ZSWIM3: variants seen among roughly 807,000 people sequenced by gnomAD.
ZSWIM3 encodes the protein zinc finger SWIM domain-containing protein 3.
A neutral mutation model predicts 47.5 loss-of-function variants in ZSWIM3; 27 were observed. That is an observed-to-expected ratio of 0.57 (90% CI 0.42 to 0.78). ZSWIM3 has a LOEUF of 0.78. Ranked by LOEUF, ZSWIM3 falls within the 30% of genes least tolerant of loss-of-function variation. The pLI, the probability that ZSWIM3 is intolerant of heterozygous loss-of-function variation, is 0.00. For missense variants in ZSWIM3, 689 were observed against 861.3 expected, an observed-to-expected ratio of 0.80 and a Z score of 2.50; for synonymous variants, 333 against 333.9, an observed-to-expected ratio of 1.00 and a Z score of 0.03.
intron 1 of ZSWIM3, among the ~76,000 whole-genome samples, chr20:45,871,828 T>A (rs761921438): frequency 6.9e-6 from 1 of 144,582 alleles, no homozygotes; most frequent in Non-Finnish European, 1.5e-5. Flanking sequence ...ACTACTGCAC[T>A]CCAGCCTGGG....
At chr20:45,873,257 C>T (rs942351928) in intron 1 of ZSWIM3, among the ~76,000 whole-genome samples, 3 of 152,110 alleles carry the variant, frequency 2.0e-5, no homozygotes, top group African/African-American at 4.8e-5. Flanking sequence ...CAAAATTTGC[C>T]GGGCATGGTG....
intron 1 of ZSWIM3, among the ~76,000 whole-genome samples, chr20:45,864,227 G>A (rs904887676): frequency 2.6e-5 from 4 of 152,148 alleles, no homozygotes; most frequent in African/African-American, 4.8e-5. Flanking sequence ...GGACAATAGC[G>A]GACTGAGATA....
At chr20:45,871,537 A>T (rs1985973861) in intron 1 of ZSWIM3, among the ~76,000 whole-genome samples, 1 of 152,240 alleles carries the variant, frequency 6.6e-6, no homozygotes. Context: ...CTTACTGACT[A>T]TAACTTTGGA....
At position 45,877,897 on chromosome 20, in the gene ZSWIM3, G is replaced by A. The variant is rs749355466; in HGVS notation, c.1339G>A (p.Ala447Thr). ...TCCCAAATTAAAGAGAGCTCGGCCG[G>A]CAAGCATGCCACTGAAGTCCAAGAA... ...PPPKLKRARP[A>T]SMPLKSKKAF... Residue 447 changes from alanine (A) to threonine (T), a missense_variant, in exon 2 of 2, where the codon GCA (alanine) becomes ACA (threonine). Coordinates refer to ENST00000255152, the MANE Select transcript of ZSWIM3 (RefSeq NM_080752.4). 6.8e-6 allele frequency: 11 copies of A among 1,614,052 alleles called. No individual in the cohort carries two copies. Among genetic ancestry groups the A allele is most frequent in the Non-Finnish European group, 9.3e-6 (11 of 1,180,054 alleles).
chr20:45,874,883 A>G lies in ZSWIM3; in HGVS notation c.156-1831A>G, dbSNP rs1390276573. Among the ~76,000 whole-genome samples, 3 of 152,048 alleles carry G rather than the reference A, an allele frequency of 2.0e-5. No individual in the cohort carries two copies. The East Asian group carries it at 5.8e-4, about 29-fold the overall frequency. On this transcript the variant is annotated intron_variant, in intron 1 of 1. Coordinates refer to ENST00000255152, the MANE Select transcript of ZSWIM3 (RefSeq NM_080752.4). The stretch of plus-strand genomic sequence containing the variant: ...GGGGCTGGAGTTGGAGAGGCTCTTA[A>G]AGAAAGAGCTGACTATATTGGGACT...
rs1458127522 is a variant in ZSWIM3 at position 45,877,803 on chromosome 20, C to T, written c.1245C>T (p.Cys415=). 1.9e-6 allele frequency: 3 copies of T among 1,614,232 alleles called. No individual in the cohort carries two copies. Among genetic ancestry groups the T allele is most frequent in the Middle Eastern group, 1.6e-4 (1 of 6,062 alleles). Residue 415 remains cysteine, a synonymous_variant, in exon 2 of 2, where the codon TGC becomes TGT. Coordinates refer to ENST00000255152, the MANE Select transcript of ZSWIM3 (RefSeq NM_080752.4). ...LFREQQSLLD[C]ILCFVDYIDF... ...GGGAACAGCAGTCGCTGCTGGACTG[C>T]ATCCTCTGCTTTGTGGATTACATAG...
intron 1 of ZSWIM3, among the ~76,000 whole-genome samples, chr20:45,860,466 G>A (rs781238768): frequency 4.1e-5 from 6 of 147,006 alleles, no homozygotes; most frequent in African/African-American, 7.7e-5. Context: ...AGCCAAGATC[G>A]TGCCATTGCA....
Position 45,878,522 on chromosome 20 carries a change from C to T in ZSWIM3, c.1964C>T (p.Pro655Leu). Residue 655 changes from proline (P) to leucine (L), a missense_variant, in exon 2 of 2, where the codon CCC becomes CTC. Coordinates refer to ENST00000255152, the MANE Select transcript of ZSWIM3 (RefSeq NM_080752.4). ...AAGATTGTGGATATCTGGGCTGGCC[C>T]CTCCCAGCCATCTGAGCTCTTTCAG... ...LRKIVDIWAG[P>L]SQPSELFQQP... 1 of 1,614,192 alleles carries T rather than the reference C, an allele frequency of 6.2e-7. No individual in the cohort carries two copies. Among genetic ancestry groups the T allele is most frequent in the Non-Finnish European group, 8.5e-7 (1 of 1,180,034 alleles).
chr20:45,871,864 GAAA>G lies in ZSWIM3; in HGVS notation c.156-4839_156-4837del, dbSNP rs11410450. ...CAACAGAACGAATATCTGTCTCAAAGAAAAAAAAAAAAAGAAAAAAAAAGTATG... is the reference window on the plus strand; with the variant it reads ...CAACAGAACGAATATCTGTCTCAAAGAAAAAAAAAAGAAAAAAAAAGTATG... On this transcript the variant is annotated intron_variant, in intron 1 of 1. Transcript: ENST00000255152. Among the ~76,000 whole-genome samples, 9 of 131,914 alleles carry G rather than the reference GAAA, an allele frequency of 6.8e-5. No individual in the cohort carries two copies. In the South Asian group the frequency reaches 2.1e-3, roughly 30 times the overall value. The allele number at this position is 131,914 out of a possible 152,430, so 86.5% of individuals were successfully genotyped here. A position where few individuals can be genotyped will look rare whatever the true frequency, so the allele number is the denominator to read the frequency against.
chr20:45,867,582 A>G (rs1461410425), intron 1 of ZSWIM3, among the ~76,000 whole-genome samples: 2 of 152,170 alleles, frequency 1.3e-5, no homozygotes, highest in South Asian at 2.1e-4. Context: ...GGGAATCAGG[A>G]TATCTTAAAT....
In ZSWIM3 at chr20:45,877,937, G is replaced by C. The variant is rs772644832; in HGVS notation, c.1379G>C (p.Cys460Ser). 13 of 1,614,058 alleles carry C rather than the reference G, an allele frequency of 8.1e-6. No homozygotes were observed. The African/African-American group carries it at 1.5e-4, about 18-fold the overall frequency. The change falls in exon 2 of 2, where the codon TGT becomes TCT. Residue 460 changes from cysteine to serine, a missense_variant. Physicochemically the swap from Cys to Ser is moderately radical, Grantham distance 112. Coordinates refer to ENST00000255152, the MANE Select transcript of ZSWIM3 (RefSeq NM_080752.4). ...AAGTCCAAGAAGGCTTTTGGAATCT[G>C]TGGAGAGAGCCTTACCAGCCTCCCT... ...PLKSKKAFGI[C>S]GESLTSLPAE...
chr20:45,874,674 G>C (rs899443648), intron 1 of ZSWIM3, among the ~76,000 whole-genome samples: 2 of 152,152 alleles, frequency 1.3e-5, no homozygotes, highest in Non-Finnish European at 2.9e-5. Flanking sequence ...AAGAGACAGC[G>C]GTAGTTCCCA....
chr20:45,870,590 A>T (rs1985951731), intron 1 of ZSWIM3, among the ~76,000 whole-genome samples: 1 of 152,126 alleles, frequency 6.6e-6, no homozygotes, highest in Admixed American at 6.6e-5. Flanking sequence ...AGTGGTACTG[A>T]TTATTCATAT....
At position 45,877,446 on chromosome 20, in the gene ZSWIM3, G is replaced by C; in HGVS notation, c.888G>C (p.Glu296Asp). The C allele has an allele frequency of 6.2e-7, 1 of 1,614,190 alleles. No individual in the cohort carries two copies. ...TCCATTACCGGGCTATCCTGCAGGA[G>C]ATCTTTCCTGCTGCCCGCATCCTCC... Reference protein sequence around the residue: ...PSFHYRAILQEIFPAARILLS... With the variant: ...PSFHYRAILQDIFPAARILLS... The change falls in exon 2 of 2, where the codon GAG (glutamate) becomes GAC (aspartate). Residue 296 changes from glutamate to aspartate, a missense_variant. Coordinates refer to ENST00000255152, the MANE Select transcript of ZSWIM3 (RefSeq NM_080752.4).
At chr20:45,858,051 G>A (rs978021902) in intron 1 of ZSWIM3, 71 bp downstream of exon 1, 1 of 1,524,462 alleles carries the variant, frequency 6.6e-7, no homozygotes, top group Admixed American at 1.9e-5. Context: ...GCTGCCTGGA[G>A]GAGGAGGGGT....
rs757930141 is a variant in ZSWIM3, at chr20:45,857,953, A to G, written c.128A>G (p.His43Arg). ...CVSVRFHNLN[H>R]GTSIREDILY... ...TCCGTCCGCTTCCACAACCTCAACCATGGCACCTCCATCCGCGAAGACATC... is the reference window on the plus strand; with the variant it reads ...TCCGTCCGCTTCCACAACCTCAACCGTGGCACCTCCATCCGCGAAGACATC... Residue 43 changes from histidine to arginine, a missense_variant, in exon 1 of 2, where the codon CAT (histidine) becomes CGT (arginine). By Grantham distance (29) the His-to-Arg change is conservative. Coordinates refer to ENST00000255152, the MANE Select transcript of ZSWIM3 (RefSeq NM_080752.4). The G allele has an allele frequency of 1.5e-6, 2 of 1,314,252 alleles. No individual in the cohort carries two copies. The highest frequency in any genetic ancestry group is 2.0e-6 in the Non-Finnish European group (2 of 993,964). The allele number at this position is 1,314,252 out of a possible 1,614,324, so 81.4% of individuals were successfully genotyped here.
At chr20:45,858,378 A>C (rs1221599177) in intron 1 of ZSWIM3, among the ~76,000 whole-genome samples, 1 of 152,166 alleles carries the variant, frequency 6.6e-6, no homozygotes. Flanking sequence ...TCATTCATTC[A>C]GTTTTTAGTT....
chr20:45,858,219 C>T (rs1319130941), intron 1 of ZSWIM3, among the ~76,000 whole-genome samples: 2 of 152,246 alleles, frequency 1.3e-5, no homozygotes, highest in Admixed American at 6.5e-5. Flanking sequence ...GAATTTATAA[C>T]TGCAGTTTCT....
rs527270043 is a variant in ZSWIM3, at chr20:45,859,049, C to G, written c.155+1069C>G. Among the ~76,000 whole-genome samples the G allele has an allele frequency of 2.0e-5, 3 of 152,232 alleles. No individual in the cohort carries two copies. The South Asian group carries it at 6.2e-4, about 32-fold the overall frequency. ...AAATGGAGAGTAGATGCCATCTAAT[C>G]AGCTCCAGCTGATGGCTGCCATATG... On this transcript the variant is annotated intron_variant, in intron 1 of 1. Transcript: ENST00000255152.
Sources: gnomAD v4.1 joint callset for allele counts (sites outside exome capture counted in the v4.1 genomes callset) on GRCh38, gnomAD v4.1.1 for gene constraint, MANE v1.5 for transcripts, NCBI Gene and HGNC (gene_info 2026-07-23, HGNC 2026-07-21) for gene names.